Variants in POLQ observed in about 807,000 individuals in gnomAD.
The protein encoded by POLQ is DNA polymerase theta.
In POLQ, 233 loss-of-function variants were observed where a neutral mutation model predicts 259.2. The observed-to-expected ratio is 0.90, with a 90% CI of 0.81 to 1.00. The LOEUF is 1.00. POLQ is among the 50% of genes least tolerant of loss of function. POLQ has a pLI of 0.00. For synonymous variants in POLQ, 1,025 were observed against 1,048.8 expected, an observed-to-expected ratio of 0.98 and a Z score of 0.44; for missense variants, 2,871 against 3,051.6, an observed-to-expected ratio of 0.94 and a Z score of 1.39.
rs2108808781 is a variant in POLQ, at chr3:121,512,142, G to T, written c.1469-113C>A. 1.5e-5 allele frequency: 12 copies of T among 817,902 alleles called. No homozygotes were observed. In the South Asian group the frequency reaches 2.2e-4, roughly 15 times the overall value. The allele number at this position is 817,902 out of a possible 1,614,324, so 50.7% of individuals were successfully genotyped here. A position where few individuals can be genotyped will look rare whatever the true frequency, so the allele number is the denominator to read the frequency against. On this transcript the variant is annotated intron_variant, in intron 9 of 29. Coordinates refer to ENST00000264233, the MANE Select transcript of POLQ (RefSeq NM_199420.4). Reference sequence around the variant, plus strand: ...TAAAAGCAGACAAGAGATGATAGTGGTTGTTATGGTAATAAAATTATGGCT... The same window carrying T: ...TAAAAGCAGACAAGAGATGATAGTGTTTGTTATGGTAATAAAATTATGGCT...
intron 27 of POLQ, 89 bp downstream of exon 27, chr3:121,439,903 C>T: frequency 8.3e-7 from 1 of 1,198,680 alleles, no homozygotes; most frequent in Non-Finnish European, 1.2e-6. Flanking sequence ...CCAGTAATCC[C>T]TAAAACGGAT....
intron 13 of POLQ, 36 bp downstream of exon 13, chr3:121,498,441 T>C (rs1182546857): frequency 6.6e-7 from 1 of 1,510,568 alleles, no homozygotes; most frequent in Non-Finnish European, 9.1e-7. Context: ...AGACACTGTG[T>C]TAAATACCGG....
chr3:121,465,227 G>A (rs962364082), intron 24 of POLQ, among the ~76,000 whole-genome samples: 1 of 151,872 alleles, frequency 6.6e-6, no homozygotes. Context: ...GAGTAGCTGG[G>A]ACTACAGGTG....
rs779938795 is a variant in POLQ, at chr3:121,487,622, T to C, written c.5309A>G (p.Glu1770Gly). 3 of 1,613,874 alleles carry C rather than the reference T, an allele frequency of 1.9e-6. No individual in the cohort carries two copies. The highest frequency in any genetic ancestry group is 2.5e-6 in the Non-Finnish European group (3 of 1,179,950). The change falls in exon 16 of 30, where the codon GAA (glutamate) becomes GGA (glycine). Residue 1770 changes from glutamate (E) to glycine (G), a missense_variant. Transcript: ENST00000264233. ...WKTNNVLQPG[E>G]SYLFGSPSDI... is the part of the protein sequence containing the mutation. The stretch of plus-strand genomic sequence containing the variant: ...TGAAGGTGAGCCAAATAAATAACTT[T>C]CACCAGGTTGTAAAACATTATTAGT...
chr3:121,517,397 T>G (rs1291737499), intron 9 of POLQ, among the ~76,000 whole-genome samples: 1 of 152,058 alleles, frequency 6.6e-6, no homozygotes, highest in Non-Finnish European at 1.5e-5. Context: ...TCATCAAAAT[T>G]TTCAGGGCTT....
chr3:121,454,481 G>T (rs1434747626), intron 25 of POLQ, among the ~76,000 whole-genome samples: 2 of 152,128 alleles, frequency 1.3e-5, no homozygotes, highest in African/African-American at 2.4e-5. Flanking sequence ...CTGTATTCAG[G>T]AGACCCATCT....
At chr3:121,540,090 C>T (rs905397519) in intron 3 of POLQ, among the ~76,000 whole-genome samples, 1 of 151,470 alleles carries the variant, frequency 6.6e-6, no homozygotes, top group African/African-American at 2.4e-5. Context: ...TTTTAACTAA[C>T]ATACCTTTCA....
At chr3:121,463,827 T>A (rs2047813242) in intron 24 of POLQ, among the ~76,000 whole-genome samples, 1 of 152,164 alleles carries the variant, frequency 6.6e-6, no homozygotes, top group Admixed American at 6.5e-5. Context: ...CCACTATATA[T>A]ATAAAAAAGA....
At position 121,489,540 on chromosome 3, in the gene POLQ, CATTA is replaced by C. The variant is rs1410255629; in HGVS notation, c.3387_3390del (p.Asn1130IlefsTer16). The C allele has an allele frequency of 6.2e-7, 1 of 1,613,242 alleles. No individual in the cohort carries two copies. The highest frequency in any genetic ancestry group is 2.2e-5 in the East Asian group (1 of 44,886). On this transcript the variant is annotated frameshift_variant, in exon 16 of 30. Coordinates refer to ENST00000264233, the MANE Select transcript of POLQ (RefSeq NM_199420.4). LOFTEE classifies it high-confidence loss of function. ...GTGACAATATGCTCCACAAAATTAT[CATTA>C]GTTAGTGTTATGTTCCATGAACAAT...
At chr3:121,493,849 G>A in intron 14 of POLQ, 128 bp from the exon 15 acceptor site, 2 of 791,178 alleles carry the variant, frequency 2.5e-6, no homozygotes, top group South Asian at 3.8e-5. Flanking sequence ...AAGGCCCAAG[G>A]TGTAAGTTAA....
chr3:121,520,253 T>C (rs983278523), intron 8 of POLQ, among the ~76,000 whole-genome samples, 170 bp from the exon 9 acceptor site: 2 of 151,760 alleles, frequency 1.3e-5, no homozygotes, highest in Non-Finnish European at 1.5e-5. Flanking sequence ...CAGCATAATC[T>C]GGCCGGGCGC....
At chr3:121,545,613 G>C in intron 1 of POLQ, 102 bp downstream of exon 1, 1 of 1,110,756 alleles carries the variant, frequency 9.0e-7, no homozygotes, top group Non-Finnish European at 1.3e-6. Flanking sequence ...AAGCCCAATG[G>C]GGTATGCAAC....
rs142860538 is a variant in POLQ at position 121,489,405 on chromosome 3, C to T, written c.3526G>A (p.Gly1176Ser). The T allele has an allele frequency of 7.4e-6, 12 of 1,613,264 alleles. No homozygotes were observed. The African/African-American group carries it at 1.6e-4, about 22-fold the overall frequency. The change falls in exon 16 of 30, where the codon GGT becomes AGT. Residue 1176 changes from glycine to serine, a missense_variant. Gly to Ser is a moderately conservative substitution (Grantham distance 56). Around this residue, in one of 3 missense-constraint regions of POLQ, gnomAD observed 2,080 missense variants for 2,126.0 expected, o/e 0.98. Transcript: ENST00000264233. ...EKINEVLIQNGSKNQNVYMKH... is the reference protein window; with the variant it reads ...EKINEVLIQNSSKNQNVYMKH... ...ATATAAACATTCTGGTTTTTTGAAC[C>T]ATTTTGTATCAGCACTTCATTTATT... is the stretch of plus-strand genomic sequence containing the variant.
chr3:121,526,644 A>AT (rs997120569), intron 7 of POLQ, among the ~76,000 whole-genome samples: 11 of 151,910 alleles, frequency 7.2e-5, no homozygotes, highest in African/African-American at 2.7e-4. Flanking sequence ...TTATCTTGAC[A>AT]TTTTTTCAAA....
Position 121,503,141 on chromosome 3 carries a change from A to G in POLQ, c.1960-4471T>C, listed in dbSNP as rs1192600124. 3.9e-5 allele frequency among the ~76,000 whole-genome samples: 6 copies of G among 152,228 alleles called. No homozygotes were observed. In the East Asian group the frequency reaches 1.2e-3, roughly 29 times the overall value. On this transcript the variant is annotated intron_variant, in intron 12 of 29. Coordinates refer to ENST00000264233, the MANE Select transcript of POLQ (RefSeq NM_199420.4). ...TCTAGCATGTTGCATTACCTTTTCT[A>G]TGTTTAGAAATGTCTAGATACACAA...
intron 26 of POLQ, among the ~76,000 whole-genome samples, chr3:121,444,848 A>G (rs2047619826): frequency 1.3e-5 from 2 of 152,088 alleles, no homozygotes; most frequent in Non-Finnish European, 2.9e-5. Flanking sequence ...TTCAGCATCA[A>G]TTGAAATGAT....
intron 22 of POLQ, among the ~76,000 whole-genome samples, chr3:121,469,185 CAA>C (rs36073350): frequency 5.0e-4 from 57 of 113,192 alleles, no homozygotes; most frequent in African/African-American, 1.3e-3. Flanking sequence ...GAGACTGTCT[CAA>C]AAAAAAAAAA....
At chr3:121,449,521 TCA>T in intron 25 of POLQ, 95 bp from the exon 26 acceptor site, 1 of 738,052 alleles carries the variant, frequency 1.4e-6, no homozygotes, top group South Asian at 1.5e-5. Context: ...ACTTTTTATT[TCA>T]CAGTGAGTGA....
chr3:121,499,594 T>C (rs1449400107), intron 12 of POLQ, among the ~76,000 whole-genome samples: 2 of 152,184 alleles, frequency 1.3e-5, no homozygotes, highest in Non-Finnish European at 2.9e-5. Context: ...CTAATATCAA[T>C]ATTCTAACTG....
Sources: allele counts gnomAD v4.1 joint callset (sites outside exome capture counted in the v4.1 genomes callset), GRCh38; gene constraint gnomAD v4.1.1; regional missense constraint gnomAD v4.1.1; transcripts MANE v1.5; gene names NCBI Gene and HGNC (gene_info 2026-07-23, HGNC 2026-07-21).